Variants in NEK7 observed in about 807,000 individuals in gnomAD.
NEK7 encodes the protein serine/threonine-protein kinase Nek7.
NEK7 carries 18 observed loss-of-function variants against 44.6 expected under a neutral mutation model. The ratio of observed to expected loss-of-function variants is 0.40; its 90% CI spans 0.28 to 0.60. The LOEUF (loss-of-function observed/expected upper bound fraction) is 0.60. Ranked by LOEUF, NEK7 falls within the 20% of genes least tolerant of loss-of-function variation. NEK7 has a pLI of 0.38. For missense variants in NEK7, 256 were observed against 366.5 expected, an observed-to-expected ratio of 0.70 and a Z score of 2.46; for synonymous variants, 130 against 121.1, an observed-to-expected ratio of 1.07 and a Z score of -0.48.
At chr1:198,272,610 T>TA (rs1653890221) in intron 5 of NEK7, among the ~76,000 whole-genome samples, 3 of 151,866 alleles carry the variant, frequency 2.0e-5, no homozygotes, top group South Asian at 4.1e-4. Flanking sequence ...GAAGACTGAC[T>TA]GACTGTTCTT....
intron 9 of NEK7, among the ~76,000 whole-genome samples, chr1:198,318,613 T>C (rs1225687311): frequency 6.6e-6 from 1 of 152,188 alleles, no homozygotes; most frequent in Non-Finnish European, 1.5e-5. Context: ...CCTCTTAGTT[T>C]ATTGTCTATG....
At chr1:198,252,917 T>G (rs1435000509) in intron 2 of NEK7, 123 bp from the exon 3 acceptor site, 1 of 740,526 alleles carries the variant, frequency 1.4e-6, no homozygotes, top group Admixed American at 2.5e-5. Flanking sequence ...TATTTGTTGT[T>G]GAGTGAATGG....
intron 4 of NEK7, among the ~76,000 whole-genome samples, chr1:198,263,302 G>T (rs993084496): frequency 6.6e-6 from 1 of 151,942 alleles, no homozygotes; most frequent in Non-Finnish European, 1.5e-5. Context: ...AAGAAAGTAA[G>T]GTCAAAACAA....
At chr1:198,316,316 G>A (rs1301362316) in intron 9 of NEK7, among the ~76,000 whole-genome samples, 1 of 152,062 alleles carries the variant, frequency 6.6e-6, no homozygotes, top group Non-Finnish European at 1.5e-5. Flanking sequence ...AGACTAAATT[G>A]GTATGAAGGT....
chr1:198,231,385 T>A (rs1325074504), intron 1 of NEK7, among the ~76,000 whole-genome samples: 1 of 143,482 alleles, frequency 7.0e-6, no homozygotes, highest in African/African-American at 2.6e-5. Context: ...ATAGCAGCAG[T>A]GCAGTGTGGT....
chr1:198,281,974 AT>A (rs1244804470), intron 7 of NEK7, among the ~76,000 whole-genome samples: 5 of 152,100 alleles, frequency 3.3e-5, no homozygotes, highest in Non-Finnish European at 5.9e-5. Context: ...TAATATAAGG[AT>A]TGAAAATTAC....
chr1:198,234,336 T>G (rs138394906), intron 2 of NEK7, among the ~76,000 whole-genome samples: 1 of 152,256 alleles, frequency 6.6e-6, no homozygotes, highest in African/African-American at 2.4e-5. Flanking sequence ...CATATATATT[T>G]ATGTTATGAT....
chr1:198,213,719 G>T (rs929945348), intron 1 of NEK7, among the ~76,000 whole-genome samples: 1 of 152,274 alleles, frequency 6.6e-6, no homozygotes, highest in Middle Eastern at 3.4e-3. Context: ...GACGGCTGTG[G>T]TGCCTTCCTT....
intron 1 of NEK7, among the ~76,000 whole-genome samples, chr1:198,211,782 G>T (rs768198896): frequency 6.6e-6 from 1 of 152,314 alleles, no homozygotes; most frequent in Admixed American, 6.5e-5. Flanking sequence ...AGACAAAACT[G>T]TGTGTAAAGG....
chr1:198,285,774 G>A (rs1191212643), intron 7 of NEK7, among the ~76,000 whole-genome samples: 1 of 152,088 alleles, frequency 6.6e-6, no homozygotes, highest in Non-Finnish European at 1.5e-5. Context: ...ATGGCTTTGA[G>A]ATAGAGGAAA....
intron 5 of NEK7, among the ~76,000 whole-genome samples, chr1:198,277,380 A>G (rs1463777334): frequency 1.3e-5 from 2 of 151,782 alleles, no homozygotes; most frequent in African/African-American, 4.8e-5. Flanking sequence ...GCATTCCTGT[A>G]AGGTTTTTCT....
chr1:198,198,096 G>T, intron 1 of NEK7: 1 of 1,381,558 alleles, frequency 7.2e-7, no homozygotes, highest in Non-Finnish European at 9.9e-7. Context: ...GGATTGATAG[G>T]TGGTGGGTGG....
At chr1:198,169,509 A>G (rs1049843915) in intron 1 of NEK7, among the ~76,000 whole-genome samples, 1 of 151,836 alleles carries the variant, frequency 6.6e-6, no homozygotes, top group East Asian at 1.9e-4. Flanking sequence ...ATGGAGCCCC[A>G]CTTGATCCTC....
chr1:198,170,925 TA>T (rs35400123), intron 1 of NEK7, among the ~76,000 whole-genome samples: 22,582 of 151,490 alleles, frequency 0.15, 1,853 homozygotes, highest in East Asian at 0.22. Context: ...GTAGATTTCT[TA>T]AAAAAAAATG....
chr1:198,211,541 A>T lies in NEK7; in HGVS notation c.-28-21012A>T, dbSNP rs576239149. Among the ~76,000 whole-genome samples the T allele has an allele frequency of 1.6e-4, 24 of 152,248 alleles. No homozygotes were observed. In the South Asian group the frequency reaches 5.0e-3, roughly 32 times the overall value. ...TTGAGGTGTTTTAATATTTTTAGGGATTTATAGTATCCAAAGTAGCATAAA... is the reference window on the plus strand; with the variant it reads ...TTGAGGTGTTTTAATATTTTTAGGGTTTTATAGTATCCAAAGTAGCATAAA... On this transcript the variant is annotated intron_variant, in intron 1 of 9. Coordinates refer to ENST00000367385, the MANE Select transcript of NEK7 (RefSeq NM_133494.3).
chr1:198,189,592 C>T (rs2102763858), intron 1 of NEK7, among the ~76,000 whole-genome samples: 2 of 152,266 alleles, frequency 1.3e-5, no homozygotes, highest in South Asian at 4.1e-4. Flanking sequence ...TCATGACCCA[C>T]TTACAGGCCT....
At chr1:198,287,406 AAAAC>A (rs1376803995) in intron 7 of NEK7, among the ~76,000 whole-genome samples, 4 of 152,120 alleles carry the variant, frequency 2.6e-5, no homozygotes, top group African/African-American at 7.2e-5. Flanking sequence ...TACAAAAACA[AAAAC>A]AAACAAAAAA....
At chr1:198,224,313 C>T (rs1430713772) in intron 1 of NEK7, among the ~76,000 whole-genome samples, 3 of 152,036 alleles carry the variant, frequency 2.0e-5, no homozygotes, top group Non-Finnish European at 4.4e-5. Context: ...CCACTGTGTT[C>T]GAGTTGTCCA....
At chr1:198,185,107 G>A (rs568541892) in intron 1 of NEK7, among the ~76,000 whole-genome samples, 48 of 150,952 alleles carry the variant, frequency 3.2e-4, no homozygotes, top group African/African-American at 1.0e-3. Flanking sequence ...AGCAAGCATC[G>A]AATATAGACA....
Sources: gnomAD v4.1 joint callset for allele counts (sites outside exome capture counted in the v4.1 genomes callset) on GRCh38, gnomAD v4.1.1 for gene constraint, MANE v1.5 for transcripts, NCBI Gene and HGNC (gene_info 2026-07-23, HGNC 2026-07-21) for gene names.